Variants in IGSF9B observed in about 807,000 individuals in gnomAD.
IGSF9B encodes the protein protein turtle homolog B.
Under a neutral mutation model 143.7 loss-of-function variants are expected in IGSF9B, and 48 were observed. That is an observed-to-expected ratio of 0.33 (90% CI 0.26 to 0.42). The LOEUF is 0.42. Among genes scored for constraint, IGSF9B ranks in the 20% least tolerant of loss-of-function variants. IGSF9B has a pLI of 1.00. For missense variants in IGSF9B, 1,706 were observed against 1,980.0 expected, an observed-to-expected ratio of 0.86 and a Z score of 2.63; for synonymous variants, 903 against 833.1, an observed-to-expected ratio of 1.08 and a Z score of -1.44.
At chr11:133,944,109 G>A (rs776014496) in intron 3 of IGSF9B, 111 bp downstream of exon 3, 419 of 1,178,350 alleles carry the variant, frequency 3.6e-4, no homozygotes, top group Non-Finnish European at 4.7e-4. Context: ...AGGGGGGCAG[G>A]GGGTGAGATG....
chr11:133,909,711 C>A lies in IGSF9B; in HGVS notation c.4106-434G>T, dbSNP rs1027461773. ...TTTTAATCGCATGCAACGGTCAGGCCTTGACCCTTCCTGGACTGCCTGGGC... is the reference window on the plus strand; with the variant it reads ...TTTTAATCGCATGCAACGGTCAGGCATTGACCCTTCCTGGACTGCCTGGGC... On this transcript the variant is annotated intron_variant, in intron 19 of 19. Transcript: ENST00000533871. The surrounding 1 kb of genome is among the most constrained non-coding windows in gnomAD (Gnocchi z 4.2). Among the ~76,000 whole-genome samples the A allele has an allele frequency of 6.6e-6, 1 of 152,188 alleles. No homozygotes were observed. Among genetic ancestry groups the A allele is most frequent in the Non-Finnish European group, 1.5e-5 (1 of 68,036 alleles).
At chr11:133,935,954 A>G (rs2121319394) in intron 6 of IGSF9B, 99 bp downstream of exon 6, 1 of 1,467,412 alleles carries the variant, frequency 6.8e-7, no homozygotes, top group Non-Finnish European at 9.2e-7. Context: ...CCCAGCTCCA[A>G]GAGCCACGGG....
intron 4 of IGSF9B, 77 bp downstream of exon 4, chr11:133,937,733 G>T: frequency 6.7e-7 from 1 of 1,486,608 alleles, no homozygotes; most frequent in East Asian, 2.4e-5. Flanking sequence ...TAGCATCAGG[G>T]GTCGGCTGCA....
chr11:133,929,662 G>A lies in IGSF9B; in HGVS notation c.1631+9C>T. 1 of 1,583,438 alleles carries A rather than the reference G, an allele frequency of 6.3e-7. No homozygotes were observed. Among genetic ancestry groups the A allele is most frequent in the Non-Finnish European group, 8.7e-7 (1 of 1,151,994 alleles). On this transcript the variant is annotated intron_variant, in intron 12 of 19. Coordinates refer to ENST00000533871, the MANE Select transcript of IGSF9B (RefSeq NM_001277285.4). Reference sequence around the variant, plus strand: ...AAAGCATGCCGGGGTGACTCACAGAGGTCCGTACCAAACTGAGAATGTCTG... The same window carrying A: ...AAAGCATGCCGGGGTGACTCACAGAAGTCCGTACCAAACTGAGAATGTCTG...
rs942796250 is a variant in IGSF9B, at chr11:133,909,755, C to A, written c.4106-478G>T. Among the ~76,000 whole-genome samples the A allele has an allele frequency of 6.6e-6, 1 of 152,208 alleles. No homozygotes were observed. Among genetic ancestry groups the A allele is most frequent in the Non-Finnish European group, 1.5e-5 (1 of 68,038 alleles). ...CCTGGGCCTCTCCTCTGCCTCATGGCCCTTCTGGAGATTAATCAGGAATGC... is the reference window on the plus strand; with the variant it reads ...CCTGGGCCTCTCCTCTGCCTCATGGACCTTCTGGAGATTAATCAGGAATGC... On this transcript the variant is annotated intron_variant, in intron 19 of 19. Coordinates refer to ENST00000533871, the MANE Select transcript of IGSF9B (RefSeq NM_001277285.4). This position sits in a 1 kb window ranked among gnomAD's most constrained non-coding sequence, Gnocchi z 4.2.
intron 17 of IGSF9B, among the ~76,000 whole-genome samples, chr11:133,921,702 C>G (rs568939992): frequency 6.6e-6 from 1 of 152,016 alleles, no homozygotes; most frequent in African/African-American, 2.4e-5. Flanking sequence ...CGCGCCCGGC[C>G]CCCCCCATCA....
rs953331987 is a variant in IGSF9B, at chr11:133,928,157, G to A, written c.1632-1066C>T. 7.2e-5 allele frequency among the ~76,000 whole-genome samples: 11 copies of A among 152,074 alleles called. No homozygotes were observed. Among genetic ancestry groups the A allele is most frequent in the African/African-American group, 1.7e-4 (7 of 41,416 alleles). ...CCAATCTACACCTGAGCCCCCCATC[G>A]TATGCCCAGACCTCCCACCCAGGCA... On this transcript the variant is annotated intron_variant, in intron 12 of 19. Coordinates refer to ENST00000533871, the MANE Select transcript of IGSF9B (RefSeq NM_001277285.4). The surrounding 1 kb of genome is among the most constrained non-coding windows in gnomAD (Gnocchi z 4.7).
rs371970596 is a variant in IGSF9B, at chr11:133,925,790, G to A, written c.1983C>T (p.Asp661=). 1.7e-5 allele frequency: 28 copies of A among 1,613,740 alleles called. No homozygotes were observed. The highest frequency in any genetic ancestry group is 3.3e-4 in the Middle Eastern group (2 of 6,084). ...CTCCTTCGGTGCCGGGGATGCCATC[G>A]TCGAGCAACTCCCAGCGCTCTGCGA... The part of the protein sequence containing the change: ...FRVAERWELL[D]DGIPGTEGEF... The change falls in exon 14 of 20, where the codon GAC becomes GAT. Residue 661 remains aspartate (D), a synonymous_variant. Transcript: ENST00000533871.
chr11:133,949,883 T>C (rs560752591), intron 1 of IGSF9B, among the ~76,000 whole-genome samples: 31 of 149,658 alleles, frequency 2.1e-4, no homozygotes, highest in African/African-American at 7.5e-4. Context: ...AAAGGCACCA[T>C]AGGTCTCACT....
At chr11:133,926,818 G>T in intron 13 of IGSF9B, 98 bp downstream of exon 13, 1 of 995,708 alleles carries the variant, frequency 1.0e-6, no homozygotes. Context: ...ACTCAGCAAG[G>T]TACCGGCACA....
chr11:133,926,817 G>T, intron 13 of IGSF9B, 99 bp downstream of exon 13: 1 of 984,048 alleles, frequency 1.0e-6, no homozygotes, highest in Non-Finnish European at 1.5e-6. Context: ...CACTCAGCAA[G>T]GTACCGGCAC....
At chr11:133,954,592 A>G (rs764979158) in intron 1 of IGSF9B, among the ~76,000 whole-genome samples, 2 of 152,194 alleles carry the variant, frequency 1.3e-5, no homozygotes, top group Non-Finnish European at 2.9e-5. Context: ...TATAACACTC[A>G]TGTCCACCTA....
At chr11:133,923,774 G>C in intron 15 of IGSF9B, among the ~76,000 whole-genome samples, 1 of 152,320 alleles carries the variant, frequency 6.6e-6, no homozygotes, top group East Asian at 1.9e-4. Flanking sequence ...AGTGTCTGAC[G>C]AGGCACATTT....
At chr11:133,934,142 G>C (rs1033739867) in intron 7 of IGSF9B, among the ~76,000 whole-genome samples, 1 of 152,292 alleles carries the variant, frequency 6.6e-6, no homozygotes, top group Non-Finnish European at 1.5e-5. Context: ...AAAGGACAAG[G>C]GGGAGTGGGT....
At chr11:133,941,319 A>T (rs967103596) in intron 3 of IGSF9B, among the ~76,000 whole-genome samples, 10 of 152,232 alleles carry the variant, frequency 6.6e-5, no homozygotes, top group Admixed American at 5.2e-4. Context: ...CTTTTGGGGT[A>T]TTTTATATGT....
At chr11:133,941,298 C>CTTGG (rs1473169636) in intron 3 of IGSF9B, among the ~76,000 whole-genome samples, 1 of 152,138 alleles carries the variant, frequency 6.6e-6, no homozygotes, top group East Asian at 1.9e-4. Context: ...TAAAGGAAGG[C>CTTGG]TTGGCTCAGG....
chr11:133,952,057 A>T (rs1284455325), intron 1 of IGSF9B: 2 of 455,462 alleles, frequency 4.4e-6, no homozygotes, highest in African/African-American at 4.0e-5. Flanking sequence ...CCTTCTCAGA[A>T]AGGACAGTCA....
In IGSF9B at chr11:133,952,730, TGCAGGG is replaced by T. The variant is rs1359891242; in HGVS notation, c.64+3955_64+3960del. On this transcript the variant is annotated intron_variant, in intron 1 of 19. Coordinates refer to ENST00000533871, the MANE Select transcript of IGSF9B (RefSeq NM_001277285.4). ...ACACAGGGGCACATATATGCACACATGCAGGGGCACACACATATGTACACATATAGG... is the reference window on the plus strand; with the variant it reads ...ACACAGGGGCACATATATGCACACATGCACACACATATGTACACATATAGG... Among the ~76,000 whole-genome samples the T allele has an allele frequency of 8.6e-5, 13 of 151,822 alleles. No individual in the cohort carries two copies. In the East Asian group the frequency reaches 2.3e-3, roughly 27 times the overall value.
At chr11:133,926,027 C>G (rs998237184) in intron 13 of IGSF9B, 62 bp from the exon 14 acceptor site, 4 of 1,178,654 alleles carry the variant, frequency 3.4e-6, no homozygotes, top group Non-Finnish European at 4.9e-6. Context: ...GCCACCGCAC[C>G]CCCCACACTC....
Sources: gnomAD v4.1 joint callset for allele counts (sites outside exome capture counted in the v4.1 genomes callset) on GRCh38, gnomAD v4.1.1 for gene constraint, Gnocchi (gnomAD v3.1) non-coding constraint, MANE v1.5 for transcripts, NCBI Gene and HGNC (gene_info 2026-07-23, HGNC 2026-07-21) for gene names.